The following DDI2 variants were observed in gnomAD, a reference collection of about 807,000 sequenced individuals.
The protein encoded by DDI2 is protein DDI1 homolog 2.
A neutral mutation model predicts 48.1 loss-of-function variants in DDI2; 5 were observed. The ratio of observed to expected loss-of-function variants is 0.10; its 90% CI spans 0.05 to 0.22. The LOEUF (loss-of-function observed/expected upper bound fraction) is 0.22. DDI2 is among the 10% of genes least tolerant of loss of function. DDI2 has a pLI of 1.00. For missense variants in DDI2, 285 were observed against 506.2 expected (o/e 0.56, Z 4.19); for synonymous variants, 205 against 183.6 (o/e 1.12, Z -0.94).
chr1:15,623,387 C>T (rs1050748882), intron 1 of DDI2, among the ~76,000 whole-genome samples: 10 of 107,480 alleles, frequency 9.3e-5, no homozygotes, highest in Non-Finnish European at 1.1e-4. Context: ...TTTTCTTCTT[C>T]TTTTTTTTTT....
At chr1:15,619,047 C>A (rs1374245734) in intron 1 of DDI2, among the ~76,000 whole-genome samples, 3 of 152,226 alleles carry the variant, frequency 2.0e-5, no homozygotes, top group Non-Finnish European at 4.4e-5. Flanking sequence ...CCAGTTCTGT[C>A]AGTGAATGCC....
rs765449655 is a variant in DDI2 at position 15,661,680 on chromosome 1, ACTT to A, written c.*1894_*1896del. On this transcript the variant is annotated 3_prime_UTR_variant, in exon 10 of 10. Transcript: ENST00000480945. ...GAGTTGGTGGGAATGCAGACCTTGC[ACTT>A]CTTGTTTTGCTCGCAAAAAACATCG... 1.2e-6 allele frequency: 2 copies of A among 1,613,532 alleles called. No individual in the cohort carries two copies. The highest frequency in any genetic ancestry group is 3.3e-5 in the Admixed American group (2 of 59,962).
intron 9 of DDI2, among the ~76,000 whole-genome samples, chr1:15,657,695 T>C (rs903232521): frequency 6.6e-6 from 1 of 152,250 alleles, no homozygotes; most frequent in Admixed American, 6.5e-5. Flanking sequence ...CTTACATGGA[T>C]ATTTCACTAC....
At position 15,656,685 on chromosome 1, in the gene DDI2, T is replaced by C; in HGVS notation, c.*46+6T>C. The C allele has an allele frequency of 6.2e-7, 1 of 1,614,116 alleles. No homozygotes were observed. The highest frequency in any genetic ancestry group is 8.5e-7 in the Non-Finnish European group (1 of 1,179,962). Reference sequence around the variant, plus strand: ...TGGAGTGGGCCCCAGACCAGGTATTTATAGACACCATGTTAAGCCTTCCAT... The same window carrying C: ...TGGAGTGGGCCCCAGACCAGGTATTCATAGACACCATGTTAAGCCTTCCAT... On this transcript the variant is annotated splice_donor_region_variant and intron_variant, in intron 9 of 9. Transcript: ENST00000480945.
chr1:15,661,900 T>TG lies in DDI2; in HGVS notation c.*2111dup, dbSNP rs2148309574. ...TCGGCCAAAGTAATTTATGATCTTT[T>TG]GTCTGATGAATTTGTCTATCCTACT... On this transcript the variant is annotated 3_prime_UTR_variant, in exon 10 of 10. Coordinates refer to ENST00000480945, the MANE Select transcript of DDI2 (RefSeq NM_032341.5). 4.4e-6 allele frequency: 4 copies of TG among 906,782 alleles called. No homozygotes were observed. The highest frequency in any genetic ancestry group is 6.1e-6 in the Non-Finnish European group (4 of 651,008). 56.2% of individuals were successfully genotyped at this position (906,782 alleles called of 1,614,324 possible). A position where few individuals can be genotyped will look rare whatever the true frequency, so the allele number is the denominator to read the frequency against.
intron 8 of DDI2, among the ~76,000 whole-genome samples, 162 bp downstream of exon 8, chr1:15,652,057 C>CT (rs1640192855): frequency 1.7e-5 from 2 of 119,130 alleles, no homozygotes; most frequent in African/African-American, 9.4e-5. Flanking sequence ...CTTTGATCTT[C>CT]CTTTTTTTTT....
At chr1:15,659,262 T>A (rs1028033285) in intron 9 of DDI2, among the ~76,000 whole-genome samples, 2 of 152,226 alleles carry the variant, frequency 1.3e-5, no homozygotes, top group Non-Finnish European at 2.9e-5. Context: ...TTAAGACTTC[T>A]CATTTGTAAC....
chr1:15,617,658 T>TCGGGC lies in DDI2; in HGVS notation c.-11_-7dup. 1 of 1,428,790 alleles carries TCGGGC rather than the reference T, an allele frequency of 7.0e-7. No individual in the cohort carries two copies. Among genetic ancestry groups the TCGGGC allele is most frequent in the East Asian group, 2.8e-5 (1 of 35,220 alleles). 88.5% of individuals were successfully genotyped at this position (1,428,790 alleles called of 1,614,324 possible). ...CCGGGCCGAGCCGAGCCGAGCCGGG[T>TCGGGC]CGGGCCCGGGCCATGCTGCTCACCG... On this transcript the variant is annotated 5_prime_UTR_variant, in exon 1 of 10. Coordinates refer to ENST00000480945, the MANE Select transcript of DDI2 (RefSeq NM_032341.5).
chr1:15,629,227 C>G (rs1457765989), intron 2 of DDI2, among the ~76,000 whole-genome samples: 2 of 152,190 alleles, frequency 1.3e-5, no homozygotes, highest in Non-Finnish European at 2.9e-5. Flanking sequence ...AAGAACTTCC[C>G]TGAGCCAATA....
rs753437538 is a variant in DDI2, at chr1:15,659,869, A to G, written c.*79A>G. ...TGGTAAAGAATCTACCTCACTGGGA[A>G]TGTCATCATTACCAACTTCAGATGG... On this transcript the variant is annotated 3_prime_UTR_variant, in exon 10 of 10. Coordinates refer to ENST00000480945, the MANE Select transcript of DDI2 (RefSeq NM_032341.5). 20 of 1,565,410 alleles carry G rather than the reference A, an allele frequency of 1.3e-5. No homozygotes were observed. The highest frequency in any genetic ancestry group is 2.0e-5 in the Admixed American group (1 of 50,418).
In DDI2 at chr1:15,660,066, T is replaced by A; in HGVS notation, c.*276T>A. 6.2e-7 allele frequency: 1 copy of A among 1,613,954 alleles called. No homozygotes were observed. The highest frequency in any genetic ancestry group is 1.7e-5 in the Admixed American group (1 of 59,920). ...CTTCAGCTGAATTCCAGCTAAACTCTGAAAAGAAAGAACATCTTTCTTTAC... is the reference window on the plus strand; with the variant it reads ...CTTCAGCTGAATTCCAGCTAAACTCAGAAAAGAAAGAACATCTTTCTTTAC... On this transcript the variant is annotated 3_prime_UTR_variant, in exon 10 of 10. Transcript: ENST00000480945.
chr1:15,622,663 G>A (rs997553963), intron 1 of DDI2, among the ~76,000 whole-genome samples: 5 of 149,316 alleles, frequency 3.3e-5, no homozygotes, highest in South Asian at 2.1e-4. Context: ...TGCCGGCAGC[G>A]GATCCCCTTT....
At position 15,666,869 on chromosome 1, in the gene DDI2, G is replaced by C. The variant is rs753591847; in HGVS notation, c.*7079G>C. On this transcript the variant is annotated 3_prime_UTR_variant, in exon 10 of 10. Transcript: ENST00000480945. ...CTTCAGAGCAGACTGGGAAAATCAG[G>C]CTTACAATGGAATCAGATGCTGTGG... The C allele has an allele frequency of 6.6e-6, 1 of 152,186 alleles. No individual in the cohort carries two copies. Among genetic ancestry groups the C allele is most frequent in the African/African-American group, 2.4e-5 (1 of 41,428 alleles). 9.4% of individuals were successfully genotyped at this position (152,186 alleles called of 1,614,324 possible).
chr1:15,651,480 G>A (rs1476005046), intron 7 of DDI2, among the ~76,000 whole-genome samples: 1 of 152,050 alleles, frequency 6.6e-6, no homozygotes, highest in Non-Finnish European at 1.5e-5. Context: ...CACCACGCCT[G>A]GTTAATTTTT....
At chr1:15,624,827 G>A (rs898585146) in intron 1 of DDI2, among the ~76,000 whole-genome samples, 1 of 152,066 alleles carries the variant, frequency 6.6e-6, no homozygotes, top group South Asian at 2.1e-4. Context: ...TGGCCTAAAT[G>A]GGTTAAGTGA....
rs1571000542 is a variant in DDI2 at position 15,668,600 on chromosome 1, A to T, written c.*8810A>T. The T allele has an allele frequency of 6.6e-6, 1 of 152,086 alleles. No homozygotes were observed. Among genetic ancestry groups the T allele is most frequent in the Non-Finnish European group, 1.5e-5 (1 of 68,020 alleles). The allele number at this position is 152,086 out of a possible 1,614,324, so 9.4% of individuals were successfully genotyped here. On this transcript the variant is annotated 3_prime_UTR_variant, in exon 10 of 10. Coordinates refer to ENST00000480945, the MANE Select transcript of DDI2 (RefSeq NM_032341.5). ...GTTTGGCAAATCTTAGCAACTAGAAACCCCGTCCTTTCTTTTCCTTCTTTA... is the reference window on the plus strand; with the variant it reads ...GTTTGGCAAATCTTAGCAACTAGAATCCCCGTCCTTTCTTTTCCTTCTTTA...
intron 1 of DDI2, among the ~76,000 whole-genome samples, chr1:15,626,070 C>G (rs1179824679): frequency 6.6e-6 from 1 of 152,228 alleles, no homozygotes; most frequent in African/African-American, 2.4e-5. Flanking sequence ...CAGAATAAAT[C>G]ATTCCCTTTT....
At chr1:15,633,811 C>G (rs1420385280) in intron 4 of DDI2, 1 of 508,716 alleles carries the variant, frequency 2.0e-6, no homozygotes, top group Non-Finnish European at 3.8e-6. Flanking sequence ...GACTCCCTGA[C>G]TAGCAGACAG....
At chr1:15,624,060 A>G (rs1318271065) in intron 1 of DDI2, among the ~76,000 whole-genome samples, 1 of 152,202 alleles carries the variant, frequency 6.6e-6, no homozygotes, top group African/African-American at 2.4e-5. Context: ...CTCAAAATAA[A>G]TAAATAAATA....
Sources: gnomAD v4.1 joint callset for allele counts (sites outside exome capture counted in the v4.1 genomes callset) on GRCh38, gnomAD v4.1.1 for gene constraint, MANE v1.5 for transcripts, NCBI Gene and HGNC (gene_info 2026-07-23, HGNC 2026-07-21) for gene names.